Variants in STIMATE observed in about 807,000 individuals in gnomAD.
The protein encoded by STIMATE is store-operated calcium entry regulator STIMATE.
STIMATE carries 15 observed loss-of-function variants against 36.7 expected under a neutral mutation model. That is an observed-to-expected ratio of 0.41 (90% CI 0.27 to 0.63). STIMATE has a LOEUF of 0.63. Ranked by LOEUF, STIMATE falls within the 20% of genes least tolerant of loss-of-function variation. STIMATE has a pLI of 0.32. For synonymous variants in STIMATE, 163 were observed against 162.3 expected (o/e 1.00, Z -0.03); for missense variants, 305 against 397.3 (o/e 0.77, Z 1.98).
At chr3:52,886,294 T>A (rs186446450) in intron 1 of STIMATE, among the ~76,000 whole-genome samples, 49 of 152,262 alleles carry the variant, frequency 3.2e-4, no homozygotes, top group African/African-American at 1.1e-3. Context: ...ATGCTGCACA[T>A]GGCAGCAGGC....
chr3:52,882,785 T>C (rs1243154769), intron 1 of STIMATE, among the ~76,000 whole-genome samples: 1 of 152,098 alleles, frequency 6.6e-6, no homozygotes, highest in African/African-American at 2.4e-5. Flanking sequence ...CAAGGGCAGT[T>C]TGGACAAAAA....
chr3:52,881,014 C>A (rs1242508718), intron 1 of STIMATE, among the ~76,000 whole-genome samples: 1 of 151,924 alleles, frequency 6.6e-6, no homozygotes, highest in Non-Finnish European at 1.5e-5. Flanking sequence ...CATGGTGAAA[C>A]CCTGTCTGTA....
chr3:52,884,131 C>G (rs1276212165), intron 1 of STIMATE, among the ~76,000 whole-genome samples: 1 of 152,024 alleles, frequency 6.6e-6, no homozygotes, highest in East Asian at 1.9e-4. Flanking sequence ...TGAGGTAAAA[C>G]TTACATAACA....
In STIMATE at chr3:52,840,581, C is replaced by T; in HGVS notation, c.798G>A (p.Glu266=). The T allele has an allele frequency of 2.5e-6, 4 of 1,613,930 alleles. No individual in the cohort carries two copies. Among genetic ancestry groups the T allele is most frequent in the Non-Finnish European group, 3.4e-6 (4 of 1,179,940 alleles). The change falls in exon 8 of 8, where the codon GAG becomes GAA. Residue 266 remains glutamate, a synonymous_variant. Coordinates refer to ENST00000355083, the MANE Select transcript of STIMATE (RefSeq NM_198563.5). Reference sequence around the variant, plus strand: ...GGAGGTCCTCCTCCACGTCGGACTCCTCCATCTCATCATCCGCTGAGATCA... The same window carrying T: ...GGAGGTCCTCCTCCACGTCGGACTCTTCCATCTCATCATCCGCTGAGATCA... ...EILISADDEM[E]ESDVEEDLRR... is the part of the protein sequence containing the mutation.
intron 4 of STIMATE, 136 bp downstream of exon 4, chr3:52,849,656 C>T: frequency 2.8e-6 from 4 of 1,424,508 alleles, no homozygotes; most frequent in Non-Finnish European, 3.7e-6. Flanking sequence ...CAGAACAGCC[C>T]CCTCTACCAC....
chr3:52,862,318 C>T (rs1331178544), intron 1 of STIMATE, among the ~76,000 whole-genome samples: 1 of 152,204 alleles, frequency 6.6e-6, no homozygotes, highest in Non-Finnish European at 1.5e-5. Context: ...AGACTGCCTC[C>T]TAACAGGCTT....
chr3:52,857,265 G>A (rs1006798036), intron 1 of STIMATE, among the ~76,000 whole-genome samples: 3 of 152,190 alleles, frequency 2.0e-5, no homozygotes, highest in African/African-American at 7.2e-5. Context: ...TTGTGAGGAG[G>A]TCTGTCATCT....
At chr3:52,870,993 C>T (rs1395537261) in intron 1 of STIMATE, among the ~76,000 whole-genome samples, 1 of 151,930 alleles carries the variant, frequency 6.6e-6, no homozygotes, top group African/African-American at 2.4e-5. Flanking sequence ...ACCTGAGTGC[C>T]GCAGGTCCTG....
intron 1 of STIMATE, among the ~76,000 whole-genome samples, chr3:52,866,843 GT>G (rs772430165): frequency 6.6e-6 from 1 of 152,228 alleles, no homozygotes; most frequent in Non-Finnish European, 1.5e-5. Flanking sequence ...TAATTTCCAG[GT>G]AGCAGCTGCA....
intron 3 of STIMATE, 113 bp from the exon 4 acceptor site, chr3:52,850,026 T>G: frequency 2.8e-6 from 4 of 1,427,276 alleles, no homozygotes; most frequent in Non-Finnish European, 2.8e-6. Flanking sequence ...TTTGGGCCCA[T>G]TCTGGGGGCT....
At chr3:52,864,159 C>G (rs1472373867) in intron 1 of STIMATE, among the ~76,000 whole-genome samples, 2 of 152,246 alleles carry the variant, frequency 1.3e-5, no homozygotes, top group Non-Finnish European at 2.9e-5. Flanking sequence ...ATTGCCCTAG[C>G]AGAGATTCTC....
chr3:52,867,702 C>T (rs1575338762), intron 1 of STIMATE, among the ~76,000 whole-genome samples: 2 of 152,196 alleles, frequency 1.3e-5, no homozygotes, highest in Admixed American at 6.5e-5. Context: ...TGGCAAGCAG[C>T]GCCACCTCCA....
chr3:52,853,203 A>G (rs1193099937), intron 2 of STIMATE, among the ~76,000 whole-genome samples: 1 of 152,230 alleles, frequency 6.6e-6, no homozygotes, highest in Non-Finnish European at 1.5e-5. Flanking sequence ...TTTGTGCGCC[A>G]TATGATCTCT....
intron 1 of STIMATE, among the ~76,000 whole-genome samples, chr3:52,896,252 C>T (rs1034892031): frequency 1.3e-5 from 2 of 152,308 alleles, no homozygotes; most frequent in Admixed American, 6.5e-5. Context: ...CCAAAGCATA[C>T]TTTCTGCAGG....
chr3:52,882,488 T>A (rs746287325), intron 1 of STIMATE, among the ~76,000 whole-genome samples: 1 of 152,294 alleles, frequency 6.6e-6, no homozygotes, highest in Middle Eastern at 3.4e-3. Flanking sequence ...GGATGTGGCA[T>A]GGATGCATCT....
Position 52,843,741 on chromosome 3 carries a change from T to C in STIMATE, c.598A>G (p.Ile200Val), listed in dbSNP as rs1434310750. The C allele has an allele frequency of 6.2e-7, 1 of 1,613,446 alleles. No individual in the cohort carries two copies. Among genetic ancestry groups the C allele is most frequent in the South Asian group, 1.1e-5 (1 of 91,026 alleles). The change falls in exon 6 of 8, where the codon ATC becomes GTC. Residue 200 changes from isoleucine (I) to valine (V), a missense_variant. Ile to Val is a conservative substitution (Grantham distance 29). This residue lies in a region of STIMATE where 164 missense variants were observed against 257.9 expected (regional missense o/e 0.64). Transcript: ENST00000355083. ...CTGACGTTGACAAAGAAGGGGACGA[T>C]CAGCATGACGATGGCCAGCTTCAAG... ...PDLKLAIVMLIVPFFVNALMF... is the reference protein window; with the variant it reads ...PDLKLAIVMLVVPFFVNALMF...
At chr3:52,845,212 G>C (rs1700873255) in intron 4 of STIMATE, among the ~76,000 whole-genome samples, 1 of 152,256 alleles carries the variant, frequency 6.6e-6, no homozygotes, top group South Asian at 2.1e-4. Flanking sequence ...ACTAAAGTTA[G>C]GAAGTGCTCA....
intron 1 of STIMATE, among the ~76,000 whole-genome samples, chr3:52,861,167 C>T (rs1701210108): frequency 6.6e-6 from 1 of 152,204 alleles, no homozygotes; most frequent in South Asian, 2.1e-4. Flanking sequence ...AGCAGCCACA[C>T]CTCAAGTGCA....
intron 3 of STIMATE, among the ~76,000 whole-genome samples, chr3:52,851,018 C>A (rs144795191): frequency 1.2e-3 from 181 of 152,322 alleles, no homozygotes; most frequent in Middle Eastern, 3.4e-3. Flanking sequence ...CCTGAGCCAC[C>A]GTGCCCGGCC....
Sources: allele counts gnomAD v4.1 joint callset (sites outside exome capture counted in the v4.1 genomes callset), GRCh38; gene constraint gnomAD v4.1.1; regional missense constraint gnomAD v4.1.1; transcripts MANE v1.5; gene names NCBI Gene and HGNC (gene_info 2026-07-23, HGNC 2026-07-21).